Variants in CDK8 observed in about 807,000 individuals in gnomAD.
CDK8 encodes cyclin dependent kinase 8.
CDK8 carries 29 observed loss-of-function variants against 71.5 expected under a neutral mutation model. That is an observed-to-expected ratio of 0.41 (90% CI 0.30 to 0.55). The LOEUF (loss-of-function observed/expected upper bound fraction) is 0.55. Among genes scored for constraint, CDK8 ranks in the 20% least tolerant of loss-of-function variants. The pLI is 0.37. For missense variants in CDK8, 288 were observed against 572.6 expected, an observed-to-expected ratio of 0.50 and a Z score of 5.07; for synonymous variants, 161 against 192.1, an observed-to-expected ratio of 0.84 and a Z score of 1.34.
At chr13:26,331,422 T>G (rs1409400385) in intron 1 of CDK8, among the ~76,000 whole-genome samples, 1 of 152,214 alleles carries the variant, frequency 6.6e-6, no homozygotes, top group Admixed American at 6.5e-5. Flanking sequence ...TTTCTTTTGC[T>G]GTGCAGAAGC....
chr13:26,299,652 G>C (rs963433276), intron 1 of CDK8, among the ~76,000 whole-genome samples: 1 of 152,116 alleles, frequency 6.6e-6, no homozygotes, highest in African/African-American at 2.4e-5. Flanking sequence ...GTTTCATTCC[G>C]GGTGTGAGTT....
At chr13:26,384,419 A>G (rs1875376129) in intron 5 of CDK8, among the ~76,000 whole-genome samples, 2 of 152,232 alleles carry the variant, frequency 1.3e-5, no homozygotes, top group African/African-American at 4.8e-5. Context: ...GCTATGTGTA[A>G]TGACAACTGT....
intron 2 of CDK8, among the ~76,000 whole-genome samples, chr13:26,344,911 G>A (rs1441588981): frequency 6.6e-6 from 1 of 152,036 alleles, no homozygotes; most frequent in Non-Finnish European, 1.5e-5. Flanking sequence ...GTGATAAAAA[G>A]TGTAATGTAA....
intron 1 of CDK8, among the ~76,000 whole-genome samples, chr13:26,275,454 A>G (rs1017967550): frequency 1.3e-5 from 2 of 152,344 alleles, no homozygotes; most frequent in Non-Finnish European, 2.9e-5. Flanking sequence ...TGGGTCCTAC[A>G]TATTGCCTAC....
At chr13:26,318,977 T>C (rs1056233097) in intron 1 of CDK8, among the ~76,000 whole-genome samples, 1 of 152,100 alleles carries the variant, frequency 6.6e-6, no homozygotes, top group Non-Finnish European at 1.5e-5. Context: ...ATTAAGCAAG[T>C]AAAATATTTA....
chr13:26,260,912 A>G (rs907693821), intron 1 of CDK8, among the ~76,000 whole-genome samples: 57 of 152,252 alleles, frequency 3.7e-4, no homozygotes, highest in Non-Finnish European at 6.3e-4. Context: ...ATTGAATCCA[A>G]TCCTCATTGT....
At chr13:26,388,784 G>C in intron 6 of CDK8, among the ~76,000 whole-genome samples, 1 of 152,236 alleles carries the variant, frequency 6.6e-6, no homozygotes, top group Admixed American at 6.5e-5. Flanking sequence ...CCAGCACTTA[G>C]GGAGCTAGAT....
rs5802374 is a variant in CDK8, at chr13:26,392,324, CTT to C, written c.647-1023_647-1022del. ...CAATAATTCATTTGAATTTATAACC[CTT>C]TTTTTTTTTTTTTTTTTTTGAGACG... On this transcript the variant is annotated intron_variant, in intron 6 of 12. Transcript: ENST00000381527. Among the ~76,000 whole-genome samples, 680 of 100,332 alleles carry C rather than the reference CTT, an allele frequency of 6.8e-3. 3 individuals are homozygous for C. Among genetic ancestry groups the C allele is most frequent in the African/African-American group, 0.021 (536 of 25,524 alleles). The allele number at this position is 100,332 out of a possible 152,430, so 65.8% of individuals were successfully genotyped here.
intron 9 of CDK8, chr13:26,400,168 G>C: frequency 3.2e-6 from 1 of 308,748 alleles, no homozygotes; most frequent in Non-Finnish European, 6.0e-6. Flanking sequence ...TTTTGGTCCT[G>C]TTCTAAATTG....
intron 1 of CDK8, among the ~76,000 whole-genome samples, chr13:26,323,035 A>C (rs1247026171): frequency 6.6e-6 from 1 of 152,108 alleles, no homozygotes; most frequent in Non-Finnish European, 1.5e-5. Flanking sequence ...AGGTACATAG[A>C]ATTGAGTTGA....
rs1876425136 is a variant in CDK8 at position 26,404,578 on chromosome 13, T to A, written c.*497T>A. The A allele has an allele frequency of 8.6e-6, 2 of 232,470 alleles. No individual in the cohort carries two copies. Among genetic ancestry groups the A allele is most frequent in the African/African-American group, 2.2e-5 (1 of 45,298 alleles). 14.4% of individuals were successfully genotyped at this position (232,470 alleles called of 1,614,324 possible). ...TTTTGGTACACCTTTCTTTTTAGTG[T>A]CTTATCAGTGGGCTGATTCATTTTC... On this transcript the variant is annotated 3_prime_UTR_variant, in exon 13 of 13. Transcript: ENST00000381527.
intron 1 of CDK8, among the ~76,000 whole-genome samples, chr13:26,255,356 C>G (rs970699207): frequency 5.9e-5 from 9 of 152,186 alleles, no homozygotes; most frequent in Non-Finnish European, 8.8e-5. Flanking sequence ...TGAATTTTTA[C>G]ATAGAACAAT....
intron 1 of CDK8, among the ~76,000 whole-genome samples, chr13:26,297,554 CT>C (rs1039876555): frequency 2.6e-5 from 4 of 152,032 alleles, no homozygotes; most frequent in Non-Finnish European, 5.9e-5. Flanking sequence ...CTGACTTAGG[CT>C]TTTTTAAATT....
intron 4 of CDK8, among the ~76,000 whole-genome samples, chr13:26,358,385 C>T (rs565016682): frequency 2.0e-4 from 30 of 152,174 alleles, no homozygotes; most frequent in African/African-American, 6.7e-4. Flanking sequence ...AAGTTATTTG[C>T]CCTGTCTCTT....
intron 4 of CDK8, among the ~76,000 whole-genome samples, chr13:26,367,560 T>G (rs1874449643): frequency 6.6e-6 from 1 of 152,156 alleles, no homozygotes; most frequent in African/African-American, 2.4e-5. Flanking sequence ...TGTTTTTTCC[T>G]TTGGGTAGAG....
In CDK8 at chr13:26,256,928, C is replaced by CTCTCTAA. The variant is rs11274808; in HGVS notation, c.128+2159_128+2160insTCTCTAA. On this transcript the variant is annotated intron_variant, in intron 1 of 12. Coordinates refer to ENST00000381527, the MANE Select transcript of CDK8 (RefSeq NM_001260.3). ...ATAGTTTTAGAGAGTTTTAAAATTA[C>CTCTCTAA]AGGGATTTTTTTCGGTTTGACTTCT... 8.0e-3 allele frequency among the ~76,000 whole-genome samples: 1,223 copies of CTCTCTAA among 152,062 alleles called. 8 individuals carry two copies. The highest frequency in any genetic ancestry group is 0.014 in the African/African-American group (589 of 41,492).
chr13:26,388,823 G>C (rs1464067440), intron 6 of CDK8, among the ~76,000 whole-genome samples: 1 of 152,064 alleles, frequency 6.6e-6, no homozygotes, highest in Non-Finnish European at 1.5e-5. Context: ...GTATGATTTG[G>C]GAGAGAGGCC....
Position 26,325,685 on chromosome 13 carries a change from C to T in CDK8, c.129-11882C>T, listed in dbSNP as rs186280060. Among the ~76,000 whole-genome samples, 40 of 152,116 alleles carry T rather than the reference C, an allele frequency of 2.6e-4. No individual in the cohort carries two copies. In the East Asian group the frequency reaches 7.0e-3, roughly 26 times the overall value. ...TTGGGAATTAGGTGCTTCAGTATTC[C>T]GTTTGGGAGGAGTGAAGCAGGGCTG... On this transcript the variant is annotated intron_variant, in intron 1 of 12. Transcript: ENST00000381527.
intron 1 of CDK8, among the ~76,000 whole-genome samples, chr13:26,297,832 A>G (rs1159404525): frequency 6.6e-6 from 1 of 152,150 alleles, no homozygotes; most frequent in Non-Finnish European, 1.5e-5. Context: ...AACAACACAA[A>G]TTATTTCTCA....
Sources: gnomAD v4.1 joint callset for allele counts (sites outside exome capture counted in the v4.1 genomes callset) on GRCh38, gnomAD v4.1.1 for gene constraint, MANE v1.5 for transcripts, NCBI Gene and HGNC (gene_info 2026-07-23, HGNC 2026-07-21) for gene names.